ZDHHC3: variants seen among roughly 807,000 people sequenced by gnomAD.
ZDHHC3 encodes zDHHC palmitoyltransferase 3.
ZDHHC3 carries 9 observed loss-of-function variants against 30.6 expected under a neutral mutation model. That is an observed-to-expected ratio of 0.29 (90% CI 0.18 to 0.51). The LOEUF (loss-of-function observed/expected upper bound fraction) is 0.51. ZDHHC3 is among the 20% of genes least tolerant of loss of function. ZDHHC3 has a pLI of 0.97. For synonymous variants in ZDHHC3, 136 were observed against 140.2 expected (o/e 0.97, Z 0.21); for missense variants, 246 against 384.2 (o/e 0.64, Z 3.01).
intron 4 of ZDHHC3, 94 bp downstream of exon 4, chr3:44,933,794 G>T: frequency 8.6e-7 from 1 of 1,168,636 alleles, no homozygotes; most frequent in South Asian, 1.3e-5. Flanking sequence ...GCAGTATTCT[G>T]AGCAAAGAAC....
At chr3:44,958,399 A>C (rs1704144088) in intron 2 of ZDHHC3, among the ~76,000 whole-genome samples, 1 of 152,144 alleles carries the variant, frequency 6.6e-6, no homozygotes, top group South Asian at 2.1e-4. Flanking sequence ...CACACGTCCC[A>C]CGTACTGAAA....
At chr3:44,936,665 G>A (rs1701985093) in intron 3 of ZDHHC3, among the ~76,000 whole-genome samples, 1 of 152,154 alleles carries the variant, frequency 6.6e-6, no homozygotes, top group Admixed American at 6.5e-5. Context: ...TATACACCAT[G>A]GAATACTATG....
chr3:44,944,444 C>A (rs1008505302), intron 3 of ZDHHC3, among the ~76,000 whole-genome samples: 7 of 152,108 alleles, frequency 4.6e-5, no homozygotes, highest in Admixed American at 4.6e-4. Context: ...CTGCGCCCGG[C>A]CTAATTTTTA....
rs1182822154 is a variant in ZDHHC3, at chr3:44,976,154, G to A, written c.-246C>T. 6 of 826,232 alleles carry A rather than the reference G, an allele frequency of 7.3e-6. No homozygotes were observed. In the Admixed American group the frequency reaches 2.2e-4, roughly 30 times the overall value. The allele number at this position is 826,232 out of a possible 1,614,324, so 51.2% of individuals were successfully genotyped here. A position where few individuals can be genotyped will look rare whatever the true frequency, so the allele number is the denominator to read the frequency against. On this transcript the variant is annotated 5_prime_UTR_variant, in exon 1 of 7. Coordinates refer to ENST00000424952, the MANE Select transcript of ZDHHC3 (RefSeq NM_001135179.2). ...GGCAGTGGCGGCGGCCGCGGCTGCA[G>A]GAGCGGCCGCCGCGCAGGTTGATGA... is the stretch of plus-strand genomic sequence containing the variant.
intron 1 of ZDHHC3, among the ~76,000 whole-genome samples, chr3:44,974,944 C>G (rs1051698279): frequency 6.6e-6 from 1 of 152,090 alleles, no homozygotes; most frequent in Non-Finnish European, 1.5e-5. Context: ...CTTCTCTGGG[C>G]ATAGTATGTT....
chr3:44,922,685 T>TA lies in ZDHHC3; in HGVS notation c.*4003dup. The TA allele has an allele frequency of 2.0e-6, 2 of 985,306 alleles. No individual in the cohort carries two copies. The highest frequency in any genetic ancestry group is 2.4e-6 in the Non-Finnish European group (2 of 829,910). The allele number at this position is 985,306 out of a possible 1,614,324, so 61.0% of individuals were successfully genotyped here. Reference sequence around the variant, plus strand: ...GCCCCAACTGGATTCTCAAACTTGATAGTCAGAATCACCTGGAGGGCTGTT... The same window carrying TA: ...GCCCCAACTGGATTCTCAAACTTGATAAGTCAGAATCACCTGGAGGGCTGTT... On this transcript the variant is annotated 3_prime_UTR_variant, in exon 7 of 7. Coordinates refer to ENST00000424952, the MANE Select transcript of ZDHHC3 (RefSeq NM_001135179.2).
rs1700580843 is a variant in ZDHHC3, at chr3:44,921,370, C to T, written c.*5319G>A. On this transcript the variant is annotated 3_prime_UTR_variant, in exon 7 of 7. Coordinates refer to ENST00000424952, the MANE Select transcript of ZDHHC3 (RefSeq NM_001135179.2). ...GCAAATGTGTCTCTTCATAGCGGGCCAGATAACACTGTCTCTCCTCATCAG... is the reference window on the plus strand; with the variant it reads ...GCAAATGTGTCTCTTCATAGCGGGCTAGATAACACTGTCTCTCCTCATCAG... The T allele has an allele frequency of 1.0e-6, 1 of 985,276 alleles. No individual in the cohort carries two copies. Among genetic ancestry groups the T allele is most frequent in the Non-Finnish European group, 1.2e-6 (1 of 829,942 alleles). The allele number at this position is 985,276 out of a possible 1,614,324, so 61.0% of individuals were successfully genotyped here. A position where few individuals can be genotyped will look rare whatever the true frequency, so the allele number is the denominator to read the frequency against.
In ZDHHC3 at chr3:44,976,098, G is replaced by A. The variant is rs945050401; in HGVS notation, c.-190C>T. The A allele has an allele frequency of 8.2e-5, 37 of 452,072 alleles. No homozygotes were observed. The highest frequency in any genetic ancestry group is 7.4e-4 in the African/African-American group (36 of 48,760). 28.0% of individuals were successfully genotyped at this position (452,072 alleles called of 1,614,324 possible). On this transcript the variant is annotated 5_prime_UTR_variant, in exon 1 of 7. Transcript: ENST00000424952. ...CTCTGGACTCGGCCAGACACCGGGC[G>A]GCGCGCAGGAGAAGCCCATCGAGCT...
At chr3:44,940,038 T>C in intron 3 of ZDHHC3, among the ~76,000 whole-genome samples, 1 of 152,192 alleles carries the variant, frequency 6.6e-6, no homozygotes, top group African/African-American at 2.4e-5. Flanking sequence ...GTGCTGGGGC[T>C]GGAGCCTGGA....
rs971551741 is a variant in ZDHHC3, at chr3:44,919,032, A to T, written c.*7657T>A. On this transcript the variant is annotated 3_prime_UTR_variant, in exon 7 of 7. Transcript: ENST00000424952. ...TGCTCCTTCACATGACTCAAGAAAG[A>T]TCTCTGTGTATCTAGCACTTTTTCT... 1.7e-5 allele frequency: 17 copies of T among 985,286 alleles called. No homozygotes were observed. Among genetic ancestry groups the T allele is most frequent in the Non-Finnish European group, 1.9e-5 (16 of 829,934 alleles). 61.0% of individuals were successfully genotyped at this position (985,286 alleles called of 1,614,324 possible).
chr3:44,950,764 G>A (rs1376003704), intron 2 of ZDHHC3, among the ~76,000 whole-genome samples: 1 of 152,146 alleles, frequency 6.6e-6, no homozygotes, highest in African/African-American at 2.4e-5. Flanking sequence ...ACAGATTTCA[G>A]AGCTCTTTGT....
intron 1 of ZDHHC3, among the ~76,000 whole-genome samples, chr3:44,960,365 AAC>A (rs1271856161): frequency 4.6e-5 from 7 of 152,220 alleles, no homozygotes; most frequent in African/African-American, 1.7e-4. Flanking sequence ...TACAGATCAT[AAC>A]ACTCTGTACA....
chr3:44,916,657 T>C lies in ZDHHC3; in HGVS notation c.*10032A>G, dbSNP rs560447418. Reference sequence around the variant, plus strand: ...GAGTGGGTGGTGAATCCACTTCTTATACCAAACGGGGATAAGAACCCTTCT... The same window carrying C: ...GAGTGGGTGGTGAATCCACTTCTTACACCAAACGGGGATAAGAACCCTTCT... On this transcript the variant is annotated 3_prime_UTR_variant, in exon 7 of 7. Transcript: ENST00000424952. The C allele has an allele frequency of 2.0e-5, 3 of 152,326 alleles. No homozygotes were observed. The highest frequency in any genetic ancestry group is 6.5e-5 in the Admixed American group (1 of 15,298). 9.4% of individuals were successfully genotyped at this position (152,326 alleles called of 1,614,324 possible).
intron 1 of ZDHHC3, among the ~76,000 whole-genome samples, chr3:44,967,591 T>A (rs1310964958): frequency 6.6e-6 from 1 of 152,122 alleles, no homozygotes; most frequent in African/African-American, 2.4e-5. Context: ...GTTACAAACA[T>A]TGGAAATCCG....
At position 44,959,841 on chromosome 3, in the gene ZDHHC3, C is replaced by T. The variant is rs1174730327; in HGVS notation, c.-24-381G>A. Among the ~76,000 whole-genome samples the T allele has an allele frequency of 1.3e-5, 2 of 152,184 alleles. No individual in the cohort carries two copies. Among genetic ancestry groups the T allele is most frequent in the African/African-American group, 2.4e-5 (1 of 41,438 alleles). Reference sequence around the variant, plus strand: ...GCACCGTCTTAGGTCAATGCAGCCTCGACCTCCCACCTCGGGCTCAAGGGA... The same window carrying T: ...GCACCGTCTTAGGTCAATGCAGCCTTGACCTCCCACCTCGGGCTCAAGGGA... On this transcript the variant is annotated intron_variant, in intron 1 of 6. Coordinates refer to ENST00000424952, the MANE Select transcript of ZDHHC3 (RefSeq NM_001135179.2). The surrounding 1 kb of genome is among the most constrained non-coding windows in gnomAD (Gnocchi z 4.3).
chr3:44,961,620 C>T (rs1486595641), intron 1 of ZDHHC3, among the ~76,000 whole-genome samples: 1 of 152,048 alleles, frequency 6.6e-6, no homozygotes, highest in Non-Finnish European at 1.5e-5. Context: ...CTGACCTGTG[C>T]CCAGCAAATT....
At chr3:44,945,016 ACT>A (rs1156340299) in intron 3 of ZDHHC3, 150 bp downstream of exon 3, 4 of 1,145,544 alleles carry the variant, frequency 3.5e-6, no homozygotes, top group Admixed American at 4.7e-5. Context: ...CACAGTGATC[ACT>A]CTCTGCCCAG....
At chr3:44,937,011 T>C (rs185518864) in intron 3 of ZDHHC3, among the ~76,000 whole-genome samples, 142 of 152,280 alleles carry the variant, frequency 9.3e-4, no homozygotes, top group Non-Finnish European at 1.5e-3. Context: ...GATGTGCTCA[T>C]TGACAATTTT....
intron 2 of ZDHHC3, among the ~76,000 whole-genome samples, chr3:44,957,427 G>A (rs986932475): frequency 1.8e-4 from 27 of 152,242 alleles, no homozygotes; most frequent in Admixed American, 1.8e-3. Context: ...CCTCACTACT[G>A]CCAGAAAGAG....
Sources: gnomAD v4.1 joint callset for allele counts (sites outside exome capture counted in the v4.1 genomes callset) on GRCh38, gnomAD v4.1.1 for gene constraint, Gnocchi (gnomAD v3.1) non-coding constraint, MANE v1.5 for transcripts, NCBI Gene and HGNC (gene_info 2026-07-23, HGNC 2026-07-21) for gene names.